BRD3: variants seen among roughly 807,000 people sequenced by gnomAD.
The protein encoded by BRD3 is bromodomain containing 3, also known as bromodomain-containing protein 3.
Under a neutral mutation model 66.8 loss-of-function variants are expected in BRD3, and 17 were observed. That is an observed-to-expected ratio of 0.25 (90% CI 0.17 to 0.38). The LOEUF (loss-of-function observed/expected upper bound fraction) is 0.38, where lower values mean the gene tolerates loss of function less well. Ranked by LOEUF, BRD3 falls within the 10% of genes least tolerant of loss-of-function variation. BRD3 has a pLI of 1.00. For synonymous variants in BRD3, 421 were observed against 393.2 expected, an observed-to-expected ratio of 1.07 and a Z score of -0.84; for missense variants, 713 against 956.1, an observed-to-expected ratio of 0.75 and a Z score of 3.35.
At chr9:134,066,677 G>A (rs1179236316) in intron 1 of BRD3, among the ~76,000 whole-genome samples, 5 of 152,220 alleles carry the variant, frequency 3.3e-5, no homozygotes, top group African/African-American at 1.2e-4. Flanking sequence ...GTAGGGCGGG[G>A]GAGGACGGGA....
At chr9:134,052,175 G>A (rs1830319978) in intron 3 of BRD3, 131 bp downstream of exon 3, 2 of 1,200,394 alleles carry the variant, frequency 1.7e-6, no homozygotes, top group South Asian at 1.5e-5. Context: ...TTACAGGTGT[G>A]AGCCACGGCA....
intron 1 of BRD3, chr9:134,058,852 A>G (rs1279194220): frequency 6.6e-6 from 1 of 152,318 alleles, no homozygotes; most frequent in Non-Finnish European, 1.5e-5. Flanking sequence ...GGCTGGCCGA[A>G]GAGGGCTCCA....
At position 134,059,300 on chromosome 9, in the gene BRD3, C is replaced by T. The variant is rs568875751; in HGVS notation, c.-113-5710G>A. Among the ~76,000 whole-genome samples the T allele has an allele frequency of 1.8e-4, 28 of 152,370 alleles. 1 individual carries two copies. The highest frequency in any genetic ancestry group is 6.3e-4 in the African/African-American group (26 of 41,588). ...TCCTCAACACACACTCTGCATCCTG[C>T]GTCCTCACAGCAACTGTGGGGTCCA... is the stretch of plus-strand genomic sequence containing the variant. On this transcript the variant is annotated intron_variant, in intron 1 of 11. Transcript: ENST00000303407.
intron 6 of BRD3, 38 bp downstream of exon 6, chr9:134,048,045 G>C: frequency 6.6e-7 from 1 of 1,519,812 alleles, no homozygotes; most frequent in Non-Finnish European, 8.8e-7. Context: ...AGAGCCGCAG[G>C]ACATGGGCAG....
At position 134,040,049 on chromosome 9, in the gene BRD3, G is replaced by C; in HGVS notation, c.1628C>G (p.Thr543Arg). ...KKAPAKKANS[T>R]TTAGRQLKKG... ...TGGAGCCCACCTGCCGGCCGTGGTC[G>C]TGCTGTTGGCCTTCTTGGCAGGAGC... is the stretch of plus-strand genomic sequence containing the variant. Residue 543 changes from threonine to arginine, a missense_variant, in exon 9 of 12, where the codon ACG (threonine) becomes AGG (arginine). Physicochemically the swap from Thr to Arg is moderately conservative, Grantham distance 71 (BLOSUM62 -1). This residue lies in a region of BRD3 where 418 missense variants were observed against 609.3 expected (regional missense o/e 0.69). Coordinates refer to ENST00000303407, the MANE Select transcript of BRD3 (RefSeq NM_007371.4). The C allele has an allele frequency of 6.3e-7, 1 of 1,592,344 alleles. No individual in the cohort carries two copies. The highest frequency in any genetic ancestry group is 8.5e-7 in the Non-Finnish European group (1 of 1,171,516).
chr9:134,064,035 C>G (rs897179667), intron 1 of BRD3, among the ~76,000 whole-genome samples: 1 of 152,230 alleles, frequency 6.6e-6, no homozygotes, highest in Non-Finnish European at 1.5e-5. Flanking sequence ...TGTGAGGAGG[C>G]AGCCTGCGAA....
chr9:134,040,520 C>T (rs1321124104), intron 8 of BRD3, among the ~76,000 whole-genome samples: 1 of 152,148 alleles, frequency 6.6e-6, no homozygotes, highest in Non-Finnish European at 1.5e-5. Flanking sequence ...CTCAGCACTG[C>T]GCGGGTGGCA....
intron 8 of BRD3, among the ~76,000 whole-genome samples, chr9:134,040,634 C>T (rs1830024201): frequency 6.6e-6 from 1 of 152,240 alleles, no homozygotes; most frequent in South Asian, 2.1e-4. Context: ...CATAGGTATA[C>T]ATGTGCCACG....
chr9:134,034,982 C>T (rs1199464878), intron 10 of BRD3, among the ~76,000 whole-genome samples, 153 bp from the exon 11 acceptor site: 3 of 152,222 alleles, frequency 2.0e-5, no homozygotes, highest in African/African-American at 7.2e-5. Flanking sequence ...AGATGCAAAG[C>T]TGTCACCAGG....
Position 134,048,269 on chromosome 9 carries a change from C to T in BRD3, c.900G>A (p.Gln300=), listed in dbSNP as rs759763324. 3.7e-6 allele frequency: 6 copies of T among 1,609,136 alleles called. No individual in the cohort carries two copies. In the African/African-American group the frequency reaches 8.0e-5, roughly 21 times the overall value. Residue 300 remains glutamine, a synonymous_variant, in exon 6 of 12, where the codon CAG becomes CAA. Coordinates refer to ENST00000303407, the MANE Select transcript of BRD3 (RefSeq NM_007371.4). ...KKDLEDGEVP[Q]HAGKKGKLSE... ...ACAGCTTGCCCTTCTTGCCTGCGTG[C>T]TGGGGCACCTCGCCGTCCTCCAGGT...
In BRD3 at chr9:134,036,106, A is replaced by T; in HGVS notation, c.1862T>A (p.Leu621Gln). 1 of 1,614,210 alleles carries T rather than the reference A, an allele frequency of 6.2e-7. No homozygotes were observed. Among genetic ancestry groups the T allele is most frequent in the Non-Finnish European group, 8.5e-7 (1 of 1,180,032 alleles). The change falls in exon 10 of 12, where the codon CTG (leucine) becomes CAG (glutamine). Residue 621 changes from leucine to glutamine, a missense_variant. Leu to Gln is a moderately radical substitution (Grantham distance 113, BLOSUM62 -2). This residue lies in a region of BRD3 where 418 missense variants were observed against 609.3 expected (regional missense o/e 0.69). Transcript: ENST00000303407. ...CAGTTCCCGCAAAGTGGTGGGTTTC[A>T]GAGTCTCAAAGTCAATTTCTATCTC... ...PDEIEIDFETLKPTTLRELER... is the reference protein window; with the variant it reads ...PDEIEIDFETQKPTTLRELER...
At chr9:134,047,850 G>A (rs768618194) in intron 6 of BRD3, among the ~76,000 whole-genome samples, 6 of 152,254 alleles carry the variant, frequency 3.9e-5, no homozygotes, top group African/African-American at 4.8e-5. Context: ...CGGGTTCGAT[G>A]GGAATAAACA....
In BRD3 at chr9:134,057,207, A is replaced by G. The variant is rs1209820143; in HGVS notation, c.-113-3617T>C. The G allele has an allele frequency of 2.0e-5, 3 of 152,374 alleles. No homozygotes were observed. In the East Asian group the frequency reaches 5.8e-4, roughly 29 times the overall value. 9.4% of individuals were successfully genotyped at this position (152,374 alleles called of 1,614,324 possible). A position where few individuals can be genotyped will look rare whatever the true frequency, so the allele number is the denominator to read the frequency against. On this transcript the variant is annotated intron_variant, in intron 1 of 11. Coordinates refer to ENST00000303407, the MANE Select transcript of BRD3 (RefSeq NM_007371.4). Reference sequence around the variant, plus strand: ...ACAAAGAAATTACAATGAAACAGACACTGGCCAGGCCAGCTGAAAATCAGT... The same window carrying G: ...ACAAAGAAATTACAATGAAACAGACGCTGGCCAGGCCAGCTGAAAATCAGT...
intron 7 of BRD3, among the ~76,000 whole-genome samples, chr9:134,043,950 C>T (rs1237080383): frequency 6.6e-6 from 1 of 152,226 alleles, no homozygotes; most frequent in Non-Finnish European, 1.5e-5. Context: ...GAATTACAGG[C>T]GTGAGCACCA....
chr9:134,055,145 G>A (rs577159460), intron 1 of BRD3, among the ~76,000 whole-genome samples: 44 of 152,242 alleles, frequency 2.9e-4, no homozygotes, highest in African/African-American at 7.5e-4. Context: ...ACTGCCCCTC[G>A]CCACCACCAC....
Position 134,033,167 on chromosome 9 carries a change from T to A in BRD3, c.*423A>T, listed in dbSNP as rs1046778096. On this transcript the variant is annotated 3_prime_UTR_variant, in exon 12 of 12. Coordinates refer to ENST00000303407, the MANE Select transcript of BRD3 (RefSeq NM_007371.4). The surrounding 1 kb of genome is among the most constrained non-coding windows in gnomAD (Gnocchi z 5.1). ...GCCCAAATGACAAGGACAATGCGTG[T>A]TGACAAAGCTAACAGCTTTCAAATA... 5.0e-6 allele frequency: 2 copies of A among 401,440 alleles called. No homozygotes were observed. Among genetic ancestry groups the A allele is most frequent in the Non-Finnish European group, 8.8e-6 (2 of 227,884 alleles). The allele number at this position is 401,440 out of a possible 1,614,324, so 24.9% of individuals were successfully genotyped here.
Position 134,050,327 on chromosome 9 carries a change from C to T in BRD3, c.714+47G>A, listed in dbSNP as rs768956928. 6 of 1,568,154 alleles carry T rather than the reference C, an allele frequency of 3.8e-6. No homozygotes were observed. The African/African-American group carries it at 4.1e-5, about 11-fold the overall frequency. The stretch of plus-strand genomic sequence containing the variant: ...CTGCTCCTGCCCTGACCTCAGGAAC[C>T]CTGGCCGGGCTCAGGTGCCCCACCC... On this transcript the variant is annotated intron_variant, in intron 5 of 11. Transcript: ENST00000303407.
At chr9:134,065,952 T>A (rs953322409) in intron 1 of BRD3, among the ~76,000 whole-genome samples, 2 of 152,198 alleles carry the variant, frequency 1.3e-5, no homozygotes, top group Admixed American at 1.3e-4. Context: ...GTATGACTAC[T>A]TCGGAGTGTA....
chr9:134,060,621 C>CACACACAA lies in BRD3; in HGVS notation c.-113-7032_-113-7031insTTGTGTGT, dbSNP rs1491215754. ...ACACACACACACACACACACACACACGATCTGGAATGCCATGGAGATTTCC... is the reference window on the plus strand; with the variant it reads ...ACACACACACACACACACACACACACACACACAAGATCTGGAATGCCATGGAGATTTCC... On this transcript the variant is annotated intron_variant, in intron 1 of 11. Transcript: ENST00000303407. Among the ~76,000 whole-genome samples, 2 of 148,092 alleles carry CACACACAA rather than the reference C, an allele frequency of 1.4e-5. 1 individual carries two copies. The highest frequency in any genetic ancestry group is 4.9e-5 in the African/African-American group (2 of 40,666).
Sources: allele counts gnomAD v4.1 joint callset (sites outside exome capture counted in the v4.1 genomes callset), GRCh38; gene constraint gnomAD v4.1.1; regional missense constraint gnomAD v4.1.1; non-coding constraint Gnocchi (gnomAD v3.1); transcripts MANE v1.5; gene names NCBI Gene and HGNC (gene_info 2026-07-23, HGNC 2026-07-21).